AGMO: variants seen among roughly 807,000 people sequenced by gnomAD.
AGMO encodes the protein alkylglycerol monooxygenase.
AGMO carries 75 observed loss-of-function variants against 60.2 expected under a neutral mutation model. That is an observed-to-expected ratio of 1.25 (90% confidence interval 1.03 to 1.51). The LOEUF is 1.51. Among genes scored for constraint, AGMO ranks in the 40% most tolerant of loss-of-function variants. AGMO has a pLI of 0.00. For missense variants in AGMO, 763 were observed against 525.5 expected (o/e 1.45, Z -4.42); for synonymous variants, 261 against 177.1 (o/e 1.47, Z -3.76).
At chr7:15,426,015 C>A (rs1210875342) in intron 4 of AGMO, among the ~76,000 whole-genome samples, 1 of 151,988 alleles carries the variant, frequency 6.6e-6, no homozygotes, top group African/African-American at 2.4e-5. Context: ...TCAATACTAG[C>A]TTTATAGATA....
chr7:15,167,341 A>AAAATT, the AGMO span, among the ~76,000 whole-genome samples: 11 of 152,296 alleles, frequency 7.2e-5, no homozygotes, highest in Middle Eastern at 3.4e-3. Flanking sequence ...TAATATCTCT[A>AAAATT]AAATTAAGAA....
chr7:15,524,823 T>C (rs1173306140), intron 3 of AGMO, among the ~76,000 whole-genome samples: 1 of 150,446 alleles, frequency 6.6e-6, no homozygotes, highest in Non-Finnish European at 1.5e-5. Flanking sequence ...GATCACGCCA[T>C]TGCACTCCAG....
intron 12 of AGMO, among the ~76,000 whole-genome samples, chr7:15,203,512 T>G (rs1488648083): frequency 3.3e-5 from 5 of 151,932 alleles, no homozygotes; most frequent in Non-Finnish European, 7.4e-5. Context: ...TTTTTGTTTT[T>G]TTTTTTGCTT....
intron 12 of AGMO, among the ~76,000 whole-genome samples, chr7:15,231,670 G>A (rs886807635): frequency 1.3e-5 from 2 of 152,074 alleles, no homozygotes; most frequent in African/African-American, 4.8e-5. Flanking sequence ...GTCAGACCTG[G>A]GTTAAGATTA....
chr7:15,508,248 C>CA (rs1783573588), intron 3 of AGMO, among the ~76,000 whole-genome samples: 1 of 151,958 alleles, frequency 6.6e-6, no homozygotes, highest in South Asian at 2.1e-4. Flanking sequence ...AAATATCTAA[C>CA]AAAAAATGAC....
At chr7:15,282,360 G>C (rs772677967) in intron 12 of AGMO, among the ~76,000 whole-genome samples, 1 of 151,876 alleles carries the variant, frequency 6.6e-6, no homozygotes, top group Non-Finnish European at 1.5e-5. Context: ...AATTTATAAA[G>C]AGATAGATAT....
intron 12 of AGMO, among the ~76,000 whole-genome samples, chr7:15,327,946 ATT>A (rs900424354): frequency 2.0e-5 from 3 of 148,252 alleles, no homozygotes; most frequent in African/African-American, 7.5e-5. Context: ...AAAAAAAAAA[ATT>A]TTTTTTTGGT....
chr7:15,234,571 A>C (rs1782363784), intron 12 of AGMO, among the ~76,000 whole-genome samples: 1 of 152,144 alleles, frequency 6.6e-6, no homozygotes, highest in Admixed American at 6.5e-5. Flanking sequence ...TTATAGCATA[A>C]AATCTTAAAG....
At chr7:15,529,049 T>G (rs1452751396) in intron 3 of AGMO, among the ~76,000 whole-genome samples, 2 of 152,058 alleles carry the variant, frequency 1.3e-5, no homozygotes, top group Non-Finnish European at 2.9e-5. Flanking sequence ...AAAAAAAACC[T>G]TGTGGATAAA....
intron 4 of AGMO, among the ~76,000 whole-genome samples, chr7:15,422,982 T>C (rs944037038): frequency 2.0e-5 from 3 of 152,034 alleles, no homozygotes; most frequent in Non-Finnish European, 2.9e-5. Flanking sequence ...ATGTAGGAGG[T>C]GAGAGAGTAA....
At chr7:15,373,162 C>T (rs1327622796) in intron 10 of AGMO, among the ~76,000 whole-genome samples, 2 of 151,852 alleles carry the variant, frequency 1.3e-5, no homozygotes, top group Non-Finnish European at 2.9e-5. Context: ...CCTTTAATTC[C>T]AGCTACTTGG....
intron 3 of AGMO, among the ~76,000 whole-genome samples, chr7:15,518,695 A>G (rs1783892239): frequency 6.6e-6 from 1 of 152,192 alleles, no homozygotes; most frequent in African/African-American, 2.4e-5. Flanking sequence ...CCAAAGGTAG[A>G]CAAATCCATA....
intron 3 of AGMO, among the ~76,000 whole-genome samples, chr7:15,496,518 G>A (rs1002663116): frequency 4.0e-5 from 6 of 149,016 alleles, no homozygotes; most frequent in East Asian, 2.0e-4. Flanking sequence ...GCATTTTTTC[G>A]TATTTGCTTG....
intron 12 of AGMO, among the ~76,000 whole-genome samples, chr7:15,240,356 G>A (rs906124377): frequency 8.5e-5 from 13 of 152,108 alleles, no homozygotes; most frequent in Admixed American, 6.6e-4. Flanking sequence ...GAGCTTTTGT[G>A]TTTTATGTGC....
intron 10 of AGMO, among the ~76,000 whole-genome samples, chr7:15,378,105 T>A (rs1215500482): frequency 6.6e-6 from 1 of 152,020 alleles, no homozygotes; most frequent in African/African-American, 2.4e-5. Context: ...AGTATCCTAG[T>A]TCCTGCATTT....
chr7:15,340,126 AC>A (rs1781795174), intron 12 of AGMO, among the ~76,000 whole-genome samples: 1 of 152,170 alleles, frequency 6.6e-6, no homozygotes. Context: ...TGAGGATGGA[AC>A]CCAAGCCTAA....
chr7:15,268,855 G>A (rs1298943346), intron 12 of AGMO, among the ~76,000 whole-genome samples: 1 of 152,064 alleles, frequency 6.6e-6, no homozygotes, highest in East Asian at 1.9e-4. Context: ...TCTCTATTTT[G>A]CGGTAAGGTC....
rs527463907 is a variant in AGMO at position 15,270,596 on chromosome 7, ATTTTTTTTTTTTTTTTTTTTTTTTT to A, written c.1264-69262_1264-69238del. On this transcript the variant is annotated intron_variant, in intron 12 of 12. Transcript: ENST00000342526. ...ATTAAACAAATTTAATCTGTTGATA[ATTTTTTTTTTTTTTTTTTTTTTTTT>A]TTTTTTTTTTTTTTTTGCTGTGCAG... 5.7e-3 allele frequency among the ~76,000 whole-genome samples: 276 copies of A among 48,080 alleles called. 1 individual carries two copies. Among genetic ancestry groups the A allele is most frequent in the Non-Finnish European group, 6.9e-3 (179 of 25,778 alleles). The allele number at this position is 48,080 out of a possible 152,430, so 31.5% of individuals were successfully genotyped here. A position where few individuals can be genotyped will look rare whatever the true frequency, so the allele number is the denominator to read the frequency against.
intron 12 of AGMO, among the ~76,000 whole-genome samples, chr7:15,354,762 G>A (rs1782455834): frequency 6.6e-6 from 1 of 150,734 alleles, no homozygotes; most frequent in South Asian, 2.1e-4. Context: ...TATCAAAGAG[G>A]ATCTGCTAAT....
Sources: allele counts gnomAD v4.1 joint callset (sites outside exome capture counted in the v4.1 genomes callset), GRCh38; gene constraint gnomAD v4.1.1; transcripts MANE v1.5; gene names NCBI Gene and HGNC (gene_info 2026-07-23, HGNC 2026-07-21).